ZNF521: variants seen among roughly 807,000 people sequenced by gnomAD.
The protein encoded by ZNF521 is zinc finger protein 521.
In ZNF521, 14 loss-of-function variants were observed where a neutral mutation model predicts 105.5. The observed-to-expected ratio is 0.13, with a 90% confidence interval of 0.09 to 0.21. ZNF521 has a LOEUF of 0.21. Among genes scored for constraint, ZNF521 ranks in the 10% least tolerant of loss-of-function variants. The pLI is 1.00. For synonymous variants in ZNF521, 635 were observed against 606.0 expected, an observed-to-expected ratio of 1.05 and a Z score of -0.70; for missense variants, 1,233 against 1,629.7, an observed-to-expected ratio of 0.76 and a Z score of 4.19.
chr18:25,150,827 A>G (rs577723105), intron 5 of ZNF521, among the ~76,000 whole-genome samples: 3 of 149,800 alleles, frequency 2.0e-5, no homozygotes, highest in Admixed American at 1.3e-4. Flanking sequence ...ATTTCCCCCC[A>G]TGTGGTCTCT....
chr18:25,229,548 AT>A (rs1906402758), intron 3 of ZNF521, among the ~76,000 whole-genome samples: 1 of 149,654 alleles, frequency 6.7e-6, no homozygotes. Context: ...AAAAAAAAAA[AT>A]TTAACTAAAA....
chr18:25,271,948 A>G (rs545498321), intron 3 of ZNF521, among the ~76,000 whole-genome samples: 13 of 152,354 alleles, frequency 8.5e-5, no homozygotes, highest in Admixed American at 5.2e-4. Context: ...CTGCAATCCA[A>G]TAGAAACTAT....
chr18:25,227,558 A>T lies in ZNF521; in HGVS notation c.360T>A (p.Cys120Ter). 1 of 1,614,166 alleles carries T rather than the reference A, an allele frequency of 6.2e-7. No individual in the cohort carries two copies. The highest frequency in any genetic ancestry group is 8.5e-7 in the Non-Finnish European group (1 of 1,180,022). The stretch of plus-strand genomic sequence containing the variant: ...GGCTAAACGACTTGTCACAGAATTG[A>T]CACGGGTATGGAAGCCCAGGGCCAC... Reference protein sequence around the residue: ...EEGGPGLPYPCQFCDKSFSRL... With the variant: ...EEGGPGLPYP Residue 120 changes from cysteine to a stop codon, truncating the protein, a stop_gained, in exon 4 of 8, where the codon TGT becomes TGA. Transcript: ENST00000361524. LOFTEE classifies it high-confidence loss of function. The surrounding 1 kb of genome is among the most constrained non-coding windows in gnomAD (Gnocchi z 5.7).
intron 5 of ZNF521, among the ~76,000 whole-genome samples, chr18:25,099,885 T>C (rs2033932560): frequency 6.6e-6 from 1 of 152,140 alleles, no homozygotes. Flanking sequence ...TCATGCAGCA[T>C]AAACTAAATG....
intron 5 of ZNF521, among the ~76,000 whole-genome samples, chr18:25,186,015 T>C (rs980468925): frequency 1.3e-5 from 2 of 152,188 alleles, no homozygotes; most frequent in Admixed American, 1.3e-4. Context: ...TGTTTTTAGG[T>C]AAACATAACA....
intron 4 of ZNF521, among the ~76,000 whole-genome samples, chr18:25,218,170 G>A (rs1159156537): frequency 3.3e-5 from 5 of 152,160 alleles, no homozygotes; most frequent in Non-Finnish European, 4.4e-5. Context: ...CACTTACAAT[G>A]TTTCAAATAG....
At chr18:25,126,913 T>C (rs2034549010) in intron 5 of ZNF521, among the ~76,000 whole-genome samples, 1 of 152,150 alleles carries the variant, frequency 6.6e-6, no homozygotes, top group Non-Finnish European at 1.5e-5. Flanking sequence ...ATAAGCCATC[T>C]GACCTCTCCA....
chr18:25,317,677 T>A (rs1912715367), intron 3 of ZNF521, among the ~76,000 whole-genome samples: 1 of 152,220 alleles, frequency 6.6e-6, no homozygotes, highest in Non-Finnish European at 1.5e-5. Flanking sequence ...GGCATCTTAC[T>A]AATCATCTGC....
chr18:25,136,174 A>G (rs1281888885), intron 5 of ZNF521, among the ~76,000 whole-genome samples: 1 of 152,184 alleles, frequency 6.6e-6, no homozygotes, highest in Non-Finnish European at 1.5e-5. Context: ...TTTCTTTGGA[A>G]AGAAAAATTT....
intron 3 of ZNF521, among the ~76,000 whole-genome samples, chr18:25,239,685 G>C (rs1907172540): frequency 6.6e-6 from 1 of 152,150 alleles, no homozygotes; most frequent in Non-Finnish European, 1.5e-5. Context: ...TTTGTTCTTT[G>C]AACAGGCTAC....
At chr18:25,168,258 C>G (rs1167074990) in intron 5 of ZNF521, among the ~76,000 whole-genome samples, 1 of 152,294 alleles carries the variant, frequency 6.6e-6, no homozygotes, top group South Asian at 2.1e-4. Flanking sequence ...GGGATAGCGG[C>G]TCCTGAAAGC....
chr18:25,316,135 A>G (rs1912597474), intron 3 of ZNF521, among the ~76,000 whole-genome samples: 1 of 152,004 alleles, frequency 6.6e-6, no homozygotes, highest in Non-Finnish European at 1.5e-5. Flanking sequence ...AGATTAATAG[A>G]AGGGAATCCA....
At chr18:25,262,607 T>C (rs902207084) in intron 3 of ZNF521, among the ~76,000 whole-genome samples, 1 of 152,142 alleles carries the variant, frequency 6.6e-6, no homozygotes, top group Non-Finnish European at 1.5e-5. Context: ...ATGAAACTCA[T>C]GGGTAAGAAA....
Position 25,089,518 on chromosome 18 carries a change from T to A in ZNF521, c.3853A>T (p.Ile1285Phe). The change falls in exon 7 of 8, where the codon ATC (isoleucine) becomes TTC (phenylalanine). Residue 1285 changes from isoleucine to phenylalanine, a missense_variant. By Grantham distance (21) the Ile-to-Phe change is conservative. This residue lies in a region of ZNF521 where 76 missense variants were observed against 137.2 expected (regional missense o/e 0.55). Coordinates refer to ENST00000361524, the MANE Select transcript of ZNF521 (RefSeq NM_015461.3). Reference protein sequence around the residue: ...IFSAHGQEDKIYDCTQCPQKF... With the variant: ...IFSAHGQEDKFYDCTQCPQKF... ...TGTGGACATTGTGTACAGTCATAGATCTTGTCTTCTTGTCCATGGGCAGAG... is the reference window on the plus strand; with the variant it reads ...TGTGGACATTGTGTACAGTCATAGAACTTGTCTTCTTGTCCATGGGCAGAG... 1 of 1,614,212 alleles carries A rather than the reference T, an allele frequency of 6.2e-7. No homozygotes were observed. Among genetic ancestry groups the A allele is most frequent in the Non-Finnish European group, 8.5e-7 (1 of 1,180,028 alleles).
intron 4 of ZNF521, among the ~76,000 whole-genome samples, chr18:25,214,957 C>CG (rs1359170825): frequency 6.6e-6 from 1 of 151,818 alleles, no homozygotes; most frequent in Non-Finnish European, 1.5e-5. Flanking sequence ...GGCAGAATGA[C>CG]GAGGCGAAAG....
chr18:25,078,037 A>G (rs1164180035), intron 7 of ZNF521, among the ~76,000 whole-genome samples: 2 of 152,194 alleles, frequency 1.3e-5, no homozygotes, highest in Non-Finnish European at 2.9e-5. Context: ...TCTGGAGAGC[A>G]GAAAATGGTG....
intron 3 of ZNF521, among the ~76,000 whole-genome samples, chr18:25,248,353 T>C (rs1907872779): frequency 6.6e-6 from 1 of 152,186 alleles, no homozygotes; most frequent in Non-Finnish European, 1.5e-5. Flanking sequence ...CAACAGAATA[T>C]TGAAGCAAGA....
intron 5 of ZNF521, among the ~76,000 whole-genome samples, chr18:25,123,880 T>TC (rs1028670734): frequency 6.6e-6 from 1 of 152,168 alleles, no homozygotes; most frequent in Admixed American, 6.5e-5. Flanking sequence ...AAAGAAATGA[T>TC]CCCTTCTTTA....
At chr18:25,229,625 C>A (rs1906409543) in intron 3 of ZNF521, among the ~76,000 whole-genome samples, 1 of 151,950 alleles carries the variant, frequency 6.6e-6, no homozygotes. Flanking sequence ...AGCTAATATA[C>A]CTGAAACAAA....
Sources: gnomAD v4.1 joint callset for allele counts (sites outside exome capture counted in the v4.1 genomes callset) on GRCh38, gnomAD v4.1.1 for gene constraint, gnomAD v4.1.1 regional missense constraint, Gnocchi (gnomAD v3.1) non-coding constraint, MANE v1.5 for transcripts, NCBI Gene and HGNC (gene_info 2026-07-23, HGNC 2026-07-21) for gene names.